Variants in ERMARD observed in about 807,000 individuals in gnomAD.
ERMARD encodes ER membrane associated RNA degradation.
A neutral mutation model predicts 83.9 loss-of-function variants in ERMARD; 71 were observed. That is an observed-to-expected ratio of 0.85 (90% CI 0.70 to 1.03). The LOEUF (loss-of-function observed/expected upper bound fraction) is 1.03. ERMARD is among the 50% of genes least tolerant of loss of function. The probability of loss-of-function intolerance (pLI) is 0.00; values close to 1 mark genes in which losing one functional copy is unlikely to be tolerated. For missense variants in ERMARD, 838 were observed against 810.9 expected (o/e 1.03, Z -0.41); for synonymous variants, 284 against 298.6 (o/e 0.95, Z 0.50).
chr6:169,751,559 G>A (rs966802273), upstream of ERMARD: 16 of 1,609,940 alleles, frequency 9.9e-6, no homozygotes, highest in Non-Finnish European at 1.4e-5. Flanking sequence ...CCTGCGCCTC[G>A]TACGGTAGGA....
Position 169,758,965 on chromosome 6 carries a change from T to C in ERMARD, c.508-3T>C, listed in dbSNP as rs372005102. ...ATTAACTATGTAATGATTTGCGGAT[T>C]AGATGAATGTGCTAAAAGTCTTCGT... On this transcript the variant is annotated splice_region_variant and splice_polypyrimidine_tract_variant and intron_variant, in intron 5 of 17. Coordinates refer to ENST00000366773, the MANE Select transcript of ERMARD (RefSeq NM_018341.3). 2.5e-6 allele frequency: 4 copies of C among 1,611,412 alleles called. No individual in the cohort carries two copies. In the African/African-American group the frequency reaches 5.3e-5, roughly 22 times the overall value.
intron 2 of ERMARD, among the ~76,000 whole-genome samples, chr6:169,755,005 T>C (rs1393046090): frequency 2.0e-5 from 3 of 152,206 alleles, no homozygotes; most frequent in African/African-American, 7.2e-5. Context: ...TGTATTCTTA[T>C]GTACAGGTAA....
At position 169,756,382 on chromosome 6, in the gene ERMARD, T is replaced by A; in HGVS notation, c.360T>A (p.Pro120=). The A allele has an allele frequency of 6.2e-7, 1 of 1,612,094 alleles. No homozygotes were observed. Among genetic ancestry groups the A allele is most frequent in the Non-Finnish European group, 8.5e-7 (1 of 1,179,330 alleles). The change falls in exon 4 of 18, where the codon CCT becomes CCA. Residue 120 remains proline (P), a synonymous_variant. Transcript: ENST00000366773. ...IFDALESLQS[P]AISLSLMKLT... Reference sequence around the variant, plus strand: ...ATGCCTTGGAAAGTCTACAATCTCCTGCTATTTCTCTTAGCTTAATGAAAC... The same window carrying A: ...ATGCCTTGGAAAGTCTACAATCTCCAGCTATTTCTCTTAGCTTAATGAAAC...
intron 12 of ERMARD, among the ~76,000 whole-genome samples, chr6:169,770,012 A>G (rs1277477690): frequency 6.6e-6 from 1 of 152,244 alleles, no homozygotes; most frequent in Non-Finnish European, 1.5e-5. Context: ...GGATTAACCA[A>G]ATATTAGGAA....
At position 169,762,427 on chromosome 6, in the gene ERMARD, A is replaced by G; in HGVS notation, c.858-2A>G. 1 of 1,611,494 alleles carries G rather than the reference A, an allele frequency of 6.2e-7. No individual in the cohort carries two copies. The highest frequency in any genetic ancestry group is 1.3e-5 in the African/African-American group (1 of 74,916). ...TTACCTCTTTTCCCTTCAATTTCAT[A>G]GGTTTGCTGACTGCGCCATATTGTT... On this transcript the variant is annotated splice_acceptor_variant, in intron 8 of 17. Transcript: ENST00000366773. LOFTEE classifies it high-confidence loss of function.
In ERMARD at chr6:169,760,903, C is replaced by T. The variant is rs562191316; in HGVS notation, c.857+147C>T. ...AGCAGACCTGAAAATAAAACACCTT[C>T]ATAGAGTCGCTTCAAGGACCGCCTG... is the stretch of plus-strand genomic sequence containing the variant. On this transcript the variant is annotated intron_variant, in intron 8 of 17. Coordinates refer to ENST00000366773, the MANE Select transcript of ERMARD (RefSeq NM_018341.3). The T allele has an allele frequency of 1.2e-5, 6 of 512,800 alleles. No homozygotes were observed. The East Asian group carries it at 1.9e-4, about 16-fold the overall frequency. 31.8% of individuals were successfully genotyped at this position (512,800 alleles called of 1,614,324 possible).
At chr6:169,766,852 A>G (rs1792277369) in intron 10 of ERMARD, among the ~76,000 whole-genome samples, 185 bp downstream of exon 10, 1 of 152,222 alleles carries the variant, frequency 6.6e-6, no homozygotes, top group Non-Finnish European at 1.5e-5. Context: ...GCCCAGTGTT[A>G]CCAATCTAGC....
chr6:169,763,063 A>G (rs889328849), intron 9 of ERMARD, among the ~76,000 whole-genome samples: 2 of 152,162 alleles, frequency 1.3e-5, no homozygotes, highest in Admixed American at 6.5e-5. Flanking sequence ...AGAGTTCCAC[A>G]TTGACCCCCG....
Position 169,776,458 on chromosome 6 carries a change from G to A in ERMARD, c.1524G>A (p.Trp508Ter), listed in dbSNP as rs1014592080. The change falls in exon 16 of 18, where the codon TGG (tryptophan) becomes TGA (stop). Residue 508 changes from tryptophan to a stop codon, truncating the protein, a stop_gained. Transcript: ENST00000366773. LOFTEE classifies it high-confidence loss of function. ...CCAAGTCTGGCTCTGTTTGCAGGTG[G>A]CCCCAGCTTCTCCGTGAGCTCTGCA... ...KDLDRLPTET[W>*]PQLLRELCST... 3 of 1,613,098 alleles carry A rather than the reference G, an allele frequency of 1.9e-6. No homozygotes were observed. Among genetic ancestry groups the A allele is most frequent in the South Asian group, 1.1e-5 (1 of 90,712 alleles).
intron 9 of ERMARD, among the ~76,000 whole-genome samples, chr6:169,764,161 C>G (rs1237555429): frequency 1.3e-5 from 2 of 152,168 alleles, no homozygotes. Flanking sequence ...TGAGAAGCCC[C>G]CCGCCTGGCT....
At position 169,762,834 on chromosome 6, in the gene ERMARD, C is replaced by A. The variant is rs79261793; in HGVS notation, c.960+303C>A. Among the ~76,000 whole-genome samples, 348 of 152,306 alleles carry A rather than the reference C, an allele frequency of 2.3e-3. 2 individuals carry two copies. Among genetic ancestry groups the A allele is most frequent in the African/African-American group, 7.9e-3 (327 of 41,550 alleles). On this transcript the variant is annotated intron_variant, in intron 9 of 17. Transcript: ENST00000366773. The stretch of plus-strand genomic sequence containing the variant: ...TCACTGTAACCGCGTGAGATGGCTG[C>A]GGTCTAGCCGGGAGACTGAGGTGAC...
chr6:169,772,499 C>T (rs1456441258), intron 12 of ERMARD, among the ~76,000 whole-genome samples: 4 of 152,142 alleles, frequency 2.6e-5, no homozygotes, highest in Non-Finnish European at 4.4e-5. Context: ...GGCACAGTGG[C>T]TCACGCCTGT....
chr6:169,777,468 T>C (rs1195754253), intron 16 of ERMARD, among the ~76,000 whole-genome samples: 1 of 152,204 alleles, frequency 6.6e-6, no homozygotes, highest in African/African-American at 2.4e-5. Flanking sequence ...CAGCTTGGCT[T>C]TTCCCTTTGG....
intron 15 of ERMARD, 165 bp from the exon 16 acceptor site, chr6:169,776,290 T>C: frequency 6.4e-7 from 1 of 1,551,442 alleles, no homozygotes; most frequent in East Asian, 2.4e-5. Flanking sequence ...CACAATTCAG[T>C]GTGTTTAGTT....
Position 169,755,337 on chromosome 6 carries a change from C to T in ERMARD, c.230C>T (p.Ala77Val), listed in dbSNP as rs1360709055. The T allele has an allele frequency of 6.2e-7, 1 of 1,614,064 alleles. No homozygotes were observed. The highest frequency in any genetic ancestry group is 8.5e-7 in the Non-Finnish European group (1 of 1,180,044). Reference protein sequence around the residue: ...SVRLLGPVCEAVHSHFLSLTK... With the variant: ...SVRLLGPVCEVVHSHFLSLTK... The stretch of plus-strand genomic sequence containing the variant: ...AGGCTGCTGGGCCCTGTGTGTGAGG[C>T]TGTCCATTCACATTTCTTATCTCTG... The change falls in exon 3 of 18, where the codon GCT (alanine) becomes GTT (valine). Residue 77 changes from alanine to valine, a missense_variant. Ala to Val is a moderately conservative substitution (Grantham distance 64). Transcript: ENST00000366773.
At chr6:169,775,157 G>A (rs978923974) in intron 13 of ERMARD, 113 bp from the exon 14 acceptor site, 19 of 1,140,366 alleles carry the variant, frequency 1.7e-5, no homozygotes, top group Non-Finnish European at 2.3e-5. Flanking sequence ...AAAATGTTTA[G>A]AATTTGTAAT....
At chr6:169,766,530 A>C in intron 9 of ERMARD, 108 bp from the exon 10 acceptor site, 1 of 771,270 alleles carries the variant, frequency 1.3e-6, no homozygotes, top group Non-Finnish European at 2.0e-6. Flanking sequence ...TTAACAAAAA[A>C]CTTTGGGATG....
At chr6:169,765,323 A>C (rs1204233978) in intron 9 of ERMARD, among the ~76,000 whole-genome samples, 1 of 152,284 alleles carries the variant, frequency 6.6e-6, no homozygotes. Context: ...AAGGCAGTAC[A>C]TATATGAAGA....
At chr6:169,766,880 G>T in intron 10 of ERMARD, 3 of 461,730 alleles carry the variant, frequency 6.5e-6, no homozygotes, top group South Asian at 1.2e-4. Flanking sequence ...GCTATCCAAA[G>T]CTCAAAGTTG....
Sources: gnomAD v4.1 joint callset for allele counts (sites outside exome capture counted in the v4.1 genomes callset) on GRCh38, gnomAD v4.1.1 for gene constraint, MANE v1.5 for transcripts, NCBI Gene and HGNC (gene_info 2026-07-23, HGNC 2026-07-21) for gene names.